Variants in MYBL1 observed in about 807,000 individuals in gnomAD.
The protein encoded by MYBL1 is MYB proto-oncogene like 1, also known as myb-related protein A.
A neutral mutation model predicts 96.3 loss-of-function variants in MYBL1; 17 were observed. The ratio of observed to expected loss-of-function variants is 0.18; its 90% CI spans 0.12 to 0.26. The LOEUF (loss-of-function observed/expected upper bound fraction) is 0.26, where lower values mean the gene tolerates loss of function less well. Ranked by LOEUF, MYBL1 falls within the 10% of genes least tolerant of loss-of-function variation. The pLI, the probability that MYBL1 is intolerant of heterozygous loss-of-function variation, is 1.00. For synonymous variants in MYBL1, 282 were observed against 292.7 expected, an observed-to-expected ratio of 0.96 and a Z score of 0.37; for missense variants, 701 against 882.9, an observed-to-expected ratio of 0.79 and a Z score of 2.61.
chr8:66,569,106 C>T (rs1242802311), intron 12 of MYBL1, among the ~76,000 whole-genome samples: 2 of 152,160 alleles, frequency 1.3e-5, no homozygotes, highest in Admixed American at 6.5e-5. Flanking sequence ...TCTCTCTTCC[C>T]ACCTTCCACT....
chr8:66,577,995 A>G (rs563647912), intron 9 of MYBL1, among the ~76,000 whole-genome samples: 113 of 152,354 alleles, frequency 7.4e-4, no homozygotes, highest in African/African-American at 2.7e-3. Flanking sequence ...TTCCCTATTT[A>G]ATAAATGGTG....
rs376830926 is a variant in MYBL1 at position 66,564,751 on chromosome 8, T to C, written c.2205A>G (p.Arg735=). The change falls in exon 16 of 16, where the codon AGA becomes AGG. Residue 735 remains arginine, a synonymous_variant. Coordinates refer to ENST00000522677, the MANE Select transcript of MYBL1 (RefSeq NM_001080416.4). ...DQLIMTEQAR[R]YLSTYTATSS... is the part of the protein sequence containing the mutation. ...TGGTAGCTGTGTAAGTACTCAGATA[T>C]CTTCTTGCTTGTTCAGTCATAATAA... 4 of 1,585,830 alleles carry C rather than the reference T, an allele frequency of 2.5e-6. No homozygotes were observed. Among genetic ancestry groups the C allele is most frequent in the Non-Finnish European group, 3.4e-6 (4 of 1,162,640 alleles).
intron 1 of MYBL1, 95 bp from the exon 2 acceptor site, chr8:66,602,618 C>T: frequency 1.6e-6 from 1 of 626,228 alleles, no homozygotes; most frequent in Non-Finnish European, 2.5e-6. Context: ...CTGAAGAAAT[C>T]ATACAGACTA....
rs576304070 is a variant in MYBL1 at position 66,594,520 on chromosome 8, T to C, written c.687+1063A>G. On this transcript the variant is annotated intron_variant, in intron 6 of 15. Transcript: ENST00000522677. ...CTTTCCAACATATTTAGATTAAGAC[T>C]GTTAAATACTCTGTTGGCCCCATGT... Among the ~76,000 whole-genome samples the C allele has an allele frequency of 2.8e-4, 43 of 152,284 alleles. 1 individual carries two copies. The highest frequency in any genetic ancestry group is 8.4e-4 in the African/African-American group (35 of 41,574).
rs867418182 is a variant in MYBL1, at chr8:66,575,513, G to A, written c.1470+494C>T. Among the ~76,000 whole-genome samples the A allele has an allele frequency of 3.3e-5, 5 of 152,244 alleles. No homozygotes were observed. The South Asian group carries it at 8.3e-4, about 25-fold the overall frequency. On this transcript the variant is annotated intron_variant, in intron 10 of 15. Transcript: ENST00000522677. ...CTGTAGTATAATATCATGTAGAACC[G>A]GGAGCAGTGGCTCACGCCTGTAATC...
At chr8:66,574,956 A>G (rs901106154) in intron 10 of MYBL1, among the ~76,000 whole-genome samples, 2 of 152,208 alleles carry the variant, frequency 1.3e-5, no homozygotes, top group African/African-American at 4.8e-5. Flanking sequence ...CGGGAGGCTG[A>G]GCCAGGAGAA....
chr8:66,599,395 C>A (rs1809977819), intron 3 of MYBL1, among the ~76,000 whole-genome samples: 1 of 152,068 alleles, frequency 6.6e-6, no homozygotes, highest in Non-Finnish European at 1.5e-5. Flanking sequence ...TTACACTACA[C>A]CTTATAATAC....
At chr8:66,601,008 T>TAA (rs1300885917) in intron 3 of MYBL1, among the ~76,000 whole-genome samples, 1 of 146,014 alleles carries the variant, frequency 6.8e-6, no homozygotes, top group African/African-American at 2.5e-5. Flanking sequence ...CCGTCTCTAC[T>TAA]AAAAAAAAAA....
Position 66,576,221 on chromosome 8 carries a change from T to C in MYBL1, c.1256A>G (p.Lys419Arg), listed in dbSNP as rs775558567. Residue 419 changes from lysine (K) to arginine (R), a missense_variant, in exon 10 of 16, where the codon AAA (lysine) becomes AGA (arginine). Physicochemically the swap from Lys to Arg is conservative, Grantham distance 26. This residue lies in a region of MYBL1 where 396 missense variants were observed against 407.4 expected (regional missense o/e 0.97). Coordinates refer to ENST00000522677, the MANE Select transcript of MYBL1 (RefSeq NM_001080416.4). Reference protein sequence around the residue: ...FNVSLVLEGKKNTCNGGNSEA... With the variant: ...FNVSLVLEGKRNTCNGGNSEA... ...ACTGTTGCCACCATTACAAGTGTTT[T>C]TTTTCCCTTCAAGTACAAGACTGAC... 14 of 1,613,868 alleles carry C rather than the reference T, an allele frequency of 8.7e-6. No individual in the cohort carries two copies. Among genetic ancestry groups the C allele is most frequent in the Non-Finnish European group, 1.2e-5 (14 of 1,179,894 alleles).
At chr8:66,575,914 A>C (rs749817751) in intron 10 of MYBL1, 93 bp downstream of exon 10, 39 of 1,308,316 alleles carry the variant, frequency 3.0e-5, no homozygotes, top group Non-Finnish European at 3.4e-5. Flanking sequence ...TTTATATGTT[A>C]TCAAAGCTAC....
chr8:66,567,443 G>A (rs927698568), intron 12 of MYBL1, among the ~76,000 whole-genome samples: 98 of 152,062 alleles, frequency 6.4e-4, no homozygotes, highest in Admixed American at 1.1e-3. Flanking sequence ...AGATACTTGA[G>A]AGCAATGGTC....
chr8:66,578,323 C>T (rs1325350529), intron 9 of MYBL1, among the ~76,000 whole-genome samples: 2 of 150,922 alleles, frequency 1.3e-5, no homozygotes, highest in African/African-American at 4.9e-5. Flanking sequence ...ATTTTCGCAA[C>T]CTACTCATCT....
intron 12 of MYBL1, among the ~76,000 whole-genome samples, chr8:66,569,064 G>C (rs1808626623): frequency 6.6e-6 from 1 of 152,108 alleles, no homozygotes; most frequent in African/African-American, 2.4e-5. Context: ...CAAGTATTAA[G>C]CCTAGTACCC....
intron 1 of MYBL1, among the ~76,000 whole-genome samples, chr8:66,609,299 T>A (rs1810436586): frequency 2.6e-5 from 4 of 152,046 alleles, no homozygotes; most frequent in Non-Finnish European, 5.9e-5. Flanking sequence ...GAAACTGAAA[T>A]TTTTTTAAAT....
intron 1 of MYBL1, among the ~76,000 whole-genome samples, chr8:66,606,490 G>A (rs1234937422): frequency 6.6e-6 from 1 of 152,142 alleles, no homozygotes; most frequent in Admixed American, 6.5e-5. Context: ...GCGCATGCAA[G>A]TAGTTTCTAA....
In MYBL1 at chr8:66,564,790, C is replaced by A; in HGVS notation, c.2166G>T (p.Lys722Asn). 3 of 1,579,724 alleles carry A rather than the reference C, an allele frequency of 1.9e-6. No homozygotes were observed. Among genetic ancestry groups the A allele is most frequent in the Admixed American group, 1.8e-5 (1 of 55,836 alleles). Residue 722 changes from lysine (K) to asparagine (N), a missense_variant, in exon 16 of 16, where the codon AAG (lysine) becomes AAT (asparagine). Transcript: ENST00000522677. ...NCEWETVVYG[K>N]TEDQLIMTEQ... ...CAGTCATAATAAGTTGGTCTTCTGT[C>A]TTCCCATAAACCACTGTTTCCCATT...
intron 8 of MYBL1, among the ~76,000 whole-genome samples, chr8:66,587,467 T>G (rs1189677092): frequency 6.6e-6 from 1 of 152,202 alleles, no homozygotes; most frequent in Non-Finnish European, 1.5e-5. Flanking sequence ...GACTATGTCA[T>G]TTTTCTTTAT....
rs114981892 is a variant in MYBL1 at position 66,575,741 on chromosome 8, G to C, written c.1470+266C>G. On this transcript the variant is annotated intron_variant, in intron 10 of 15. Coordinates refer to ENST00000522677, the MANE Select transcript of MYBL1 (RefSeq NM_001080416.4). ...GGTGGTTGAGGTTGCGGTGAGCCGTGTTTGTGCCACTGCACTCCAACCTCG... is the reference window on the plus strand; with the variant it reads ...GGTGGTTGAGGTTGCGGTGAGCCGTCTTTGTGCCACTGCACTCCAACCTCG... Among the ~76,000 whole-genome samples, 11 of 152,174 alleles carry C rather than the reference G, an allele frequency of 7.2e-5. No homozygotes were observed. In the East Asian group the frequency reaches 2.1e-3, roughly 29 times the overall value.
At chr8:66,612,013 G>A (rs1325553771) in intron 1 of MYBL1, 2 of 152,206 alleles carry the variant, frequency 1.3e-5, no homozygotes, top group African/African-American at 4.8e-5. Flanking sequence ...AGTAGCTGCT[G>A]TAATGGCATG....
Sources: gnomAD v4.1 joint callset for allele counts (sites outside exome capture counted in the v4.1 genomes callset) on GRCh38, gnomAD v4.1.1 for gene constraint, gnomAD v4.1.1 regional missense constraint, MANE v1.5 for transcripts, NCBI Gene and HGNC (gene_info 2026-07-23, HGNC 2026-07-21) for gene names.